ATP2C1: variants seen among roughly 807,000 people sequenced by gnomAD.
ATP2C1 encodes the protein ATPase secretory pathway Ca2+ transporting 1, also known as calcium-transporting ATPase type 2C member 1.
ATP2C1 carries 31 observed loss-of-function variants against 120.5 expected under a neutral mutation model. The ratio of observed to expected loss-of-function variants is 0.26; its 90% confidence interval spans 0.19 to 0.35. The LOEUF (loss-of-function observed/expected upper bound fraction) is 0.35, where lower values mean the gene tolerates loss of function less well. Ranked by LOEUF, ATP2C1 falls within the 10% of genes least tolerant of loss-of-function variation. The pLI is 1.00. For missense variants in ATP2C1, 731 were observed against 1,107.5 expected (o/e 0.66, Z 4.83); for synonymous variants, 351 against 358.7 (o/e 0.98, Z 0.24).
chr3:130,926,672 A>G (rs1169934746), intron 2 of ATP2C1, among the ~76,000 whole-genome samples: 1 of 152,244 alleles, frequency 6.6e-6, no homozygotes, highest in Non-Finnish European at 1.5e-5. Context: ...GGAATGTCAC[A>G]TGTATGCAGG....
At chr3:130,977,837 A>C (rs2061589417) in intron 18 of ATP2C1, among the ~76,000 whole-genome samples, 1 of 152,164 alleles carries the variant, frequency 6.6e-6, no homozygotes, top group Non-Finnish European at 1.5e-5. Flanking sequence ...AAAGATTTTA[A>C]ACCTCAGTTG....
At chr3:130,927,271 C>T (rs1207369069) in intron 2 of ATP2C1, among the ~76,000 whole-genome samples, 6 of 148,068 alleles carry the variant, frequency 4.1e-5, no homozygotes, top group Admixed American at 6.8e-5. Context: ...GACAGAGTCT[C>T]GCTCTGTCGC....
intron 26 of ATP2C1, among the ~76,000 whole-genome samples, chr3:131,013,122 C>T (rs1196623263): frequency 6.6e-6 from 1 of 152,122 alleles, no homozygotes; most frequent in South Asian, 2.1e-4. Context: ...CTACTTGGTT[C>T]TCTTTATTTT....
intron 6 of ATP2C1, among the ~76,000 whole-genome samples, 187 bp from the exon 7 acceptor site, chr3:130,940,443 T>C (rs2059844015): frequency 6.6e-6 from 1 of 152,140 alleles, no homozygotes; most frequent in Non-Finnish European, 1.5e-5. Flanking sequence ...TATTTAATTA[T>C]CAAAATTGAT....
chr3:130,878,966 A>G (rs2068695013), intron 1 of ATP2C1, among the ~76,000 whole-genome samples: 2 of 152,156 alleles, frequency 1.3e-5, no homozygotes, highest in Admixed American at 6.5e-5. Flanking sequence ...ATTAAATTAC[A>G]TTTCTTTCTG....
intron 1 of ATP2C1, among the ~76,000 whole-genome samples, chr3:130,853,231 A>G (rs544499030): frequency 1.5e-4 from 23 of 152,340 alleles, no homozygotes; most frequent in African/African-American, 4.8e-4. Context: ...TATTGCCTGT[A>G]AAACCTCCAA....
chr3:130,943,890 A>G (rs2060027541), intron 8 of ATP2C1, among the ~76,000 whole-genome samples: 2 of 152,246 alleles, frequency 1.3e-5, no homozygotes, highest in Admixed American at 1.3e-4. Context: ...TTCTGGACAC[A>G]GAAGCTGCTA....
At chr3:131,016,039 T>G in intron 26 of ATP2C1, 4 of 1,371,112 alleles carry the variant, frequency 2.9e-6, no homozygotes, top group Non-Finnish European at 2.9e-6. Context: ...TTTTTTTTGT[T>G]TTGGTTTTTT....
At chr3:130,957,589 C>G (rs1485782400) in intron 11 of ATP2C1, among the ~76,000 whole-genome samples, 2 of 152,108 alleles carry the variant, frequency 1.3e-5, no homozygotes, top group Non-Finnish European at 2.9e-5. Context: ...TCTTGTTGCT[C>G]AGGCTGAAGT....
chr3:130,894,630 T>C lies in ATP2C1; in HGVS notation c.-140T>C. On this transcript the variant is annotated 5_prime_UTR_variant, in exon 2 of 28. Coordinates refer to ENST00000510168, the MANE Select transcript of ATP2C1 (RefSeq NM_001378687.1). The surrounding 1 kb of genome is among the most constrained non-coding windows in gnomAD (Gnocchi z 4.5). ...GTGGTGGGAGCAGCCGTGGGACGCG[T>C]GGCCGGGAGCGGGGGTGACAGCCTG... 6.3e-7 allele frequency: 1 copy of C among 1,597,074 alleles called. No homozygotes were observed. The highest frequency in any genetic ancestry group is 8.5e-7 in the Non-Finnish European group (1 of 1,170,346).
intron 2 of ATP2C1, among the ~76,000 whole-genome samples, chr3:130,912,975 T>A (rs2058506208): frequency 6.7e-6 from 1 of 149,086 alleles, no homozygotes; most frequent in South Asian, 2.1e-4. Context: ...AAATTGGAAA[T>A]CATCATTCTC....
chr3:130,921,503 A>G (rs1164316121), intron 2 of ATP2C1, among the ~76,000 whole-genome samples: 1 of 152,212 alleles, frequency 6.6e-6, no homozygotes, highest in Non-Finnish European at 1.5e-5. Context: ...GAACTGAAGT[A>G]GGGAGAGTGG....
chr3:131,015,885 T>G (rs2063601812), intron 26 of ATP2C1: 1 of 556,654 alleles, frequency 1.8e-6, no homozygotes, highest in Non-Finnish European at 3.3e-6. Flanking sequence ...CACATATTAA[T>G]GTATTACTTA....
chr3:130,959,538 A>G, intron 12 of ATP2C1, 197 bp downstream of exon 12: 1 of 367,670 alleles, frequency 2.7e-6, no homozygotes, highest in East Asian at 4.1e-5. Context: ...TAATGAAGAA[A>G]ACCCATACTA....
chr3:130,976,075 G>T (rs2061518321), intron 18 of ATP2C1, among the ~76,000 whole-genome samples: 1 of 152,124 alleles, frequency 6.6e-6, no homozygotes, highest in Non-Finnish European at 1.5e-5. Context: ...TTACCTTCTG[G>T]ATAGTCATCT....
intron 22 of ATP2C1, among the ~76,000 whole-genome samples, chr3:130,994,705 G>T (rs1420507228): frequency 6.6e-6 from 1 of 152,046 alleles, no homozygotes; most frequent in Non-Finnish European, 1.5e-5. Context: ...TGAGTTTAGT[G>T]ATAAATTCCA....
intron 4 of ATP2C1, 79 bp downstream of exon 4, chr3:130,932,217 G>C (rs1170029713): frequency 3.2e-6 from 3 of 926,400 alleles, no homozygotes; most frequent in Non-Finnish European, 5.4e-6. Flanking sequence ...TTACTTTTGT[G>C]ATACTGTTTA....
chr3:130,880,516 C>G (rs1202165099), intron 1 of ATP2C1, among the ~76,000 whole-genome samples: 1 of 152,230 alleles, frequency 6.6e-6, no homozygotes, highest in Non-Finnish European at 1.5e-5. Context: ...CAAAGGCATA[C>G]TGTAAATGCT....
chr3:131,008,731 T>G (rs961061696), intron 26 of ATP2C1, among the ~76,000 whole-genome samples: 1 of 152,106 alleles, frequency 6.6e-6, no homozygotes, highest in Non-Finnish European at 1.5e-5. Flanking sequence ...ATTCAGTGGA[T>G]TAGAAAGGAA....
Sources: allele counts gnomAD v4.1 joint callset (sites outside exome capture counted in the v4.1 genomes callset), GRCh38; gene constraint gnomAD v4.1.1; non-coding constraint Gnocchi (gnomAD v3.1); transcripts MANE v1.5; gene names NCBI Gene and HGNC (gene_info 2026-07-23, HGNC 2026-07-21).